The following ACBD3 variants were observed in gnomAD, a reference collection of about 807,000 sequenced individuals.
ACBD3 encodes acyl-CoA binding domain containing 3, also known as Golgi resident protein GCP60.
A neutral mutation model predicts 66.9 loss-of-function variants in ACBD3; 30 were observed. That is an observed-to-expected ratio of 0.45 (90% CI 0.34 to 0.61). The LOEUF (loss-of-function observed/expected upper bound fraction) is 0.61. ACBD3 is among the 20% of genes least tolerant of loss of function. The pLI, the probability that ACBD3 is intolerant of heterozygous loss-of-function variation, is 0.02. For synonymous variants in ACBD3, 278 were observed against 259.8 expected (o/e 1.07, Z -0.68); for missense variants, 544 against 664.5 (o/e 0.82, Z 1.99).
At chr1:226,147,073 G>A (rs1025550450) in intron 7 of ACBD3, among the ~76,000 whole-genome samples, 1 of 152,026 alleles carries the variant, frequency 6.6e-6, no homozygotes, top group Non-Finnish European at 1.5e-5. Flanking sequence ...TGTATTTTTA[G>A]TAGACATGGA....
chr1:226,146,831 C>G lies in ACBD3; in HGVS notation c.1376-10G>C. The G allele has an allele frequency of 6.2e-7, 1 of 1,612,798 alleles. No homozygotes were observed. The highest frequency in any genetic ancestry group is 8.5e-7 in the Non-Finnish European group (1 of 1,178,802). On this transcript the variant is annotated splice_polypyrimidine_tract_variant and intron_variant, in intron 7 of 7. Coordinates refer to ENST00000366812, the MANE Select transcript of ACBD3 (RefSeq NM_022735.4). Reference sequence around the variant, plus strand: ...TCACAACCGATGTTTTCTGTAAGAACAGAGACAAGTCAATGAACAGATTCA... The same window carrying G: ...TCACAACCGATGTTTTCTGTAAGAAGAGAGACAAGTCAATGAACAGATTCA...
chr1:226,150,407 C>T (rs1022400163), intron 7 of ACBD3, among the ~76,000 whole-genome samples: 3 of 152,104 alleles, frequency 2.0e-5, no homozygotes, highest in African/African-American at 7.2e-5. Flanking sequence ...GAGACGGAGT[C>T]TCGCTCTGTT....
chr1:226,176,990 TA>T (rs1263425128), intron 1 of ACBD3, among the ~76,000 whole-genome samples: 1 of 152,190 alleles, frequency 6.6e-6, no homozygotes, highest in African/African-American at 2.4e-5. Context: ...ACATTATTTT[TA>T]ATCACATACA....
chr1:226,145,846 A>T lies in ACBD3; in HGVS notation c.*764T>A, dbSNP rs1424166170. The T allele has an allele frequency of 6.6e-6, 1 of 152,346 alleles. No individual in the cohort carries two copies. Among genetic ancestry groups the T allele is most frequent in the East Asian group, 1.9e-4 (1 of 5,206 alleles). 9.4% of individuals were successfully genotyped at this position (152,346 alleles called of 1,614,324 possible). ...ATACTCTATGAAGCCAAAACAAAAC[A>T]AAACAAAACAAAAAACCTGTATTTT... On this transcript the variant is annotated 3_prime_UTR_variant, in exon 8 of 8. Coordinates refer to ENST00000366812, the MANE Select transcript of ACBD3 (RefSeq NM_022735.4).
Position 226,159,322 on chromosome 1 carries a change from G to A in ACBD3, c.765C>T (p.Ala255=), listed in dbSNP as rs777991793. 6.2e-6 allele frequency: 10 copies of A among 1,613,998 alleles called. No homozygotes were observed. The highest frequency in any genetic ancestry group is 1.6e-4 in the Middle Eastern group (1 of 6,084). Residue 255 remains alanine (A), a synonymous_variant, in exon 5 of 8, where the codon GCC becomes GCT. Transcript: ENST00000366812. ...GGGCTGCATACTGCTGGAACTGCACGGCAGTCTGGGAGTTTAAAGCTGCCA... is the reference window on the plus strand; with the variant it reads ...GGGCTGCATACTGCTGGAACTGCACAGCAGTCTGGGAGTTTAAAGCTGCCA... ...QIMAALNSQT[A]VQFQQYAAQQ...
intron 1 of ACBD3, among the ~76,000 whole-genome samples, chr1:226,176,892 CAG>C (rs2102789123): frequency 6.6e-6 from 1 of 152,146 alleles, no homozygotes; most frequent in South Asian, 2.1e-4. Flanking sequence ...TTTAAAAAAA[CAG>C]TATTTGTTAG....
chr1:226,167,997 T>C (rs547740570), intron 1 of ACBD3, among the ~76,000 whole-genome samples: 5 of 152,304 alleles, frequency 3.3e-5, no homozygotes, highest in Admixed American at 2.6e-4. Flanking sequence ...TATAGTTACC[T>C]TGAAGGTCAA....
At chr1:226,156,015 A>G (rs989068469) in intron 5 of ACBD3, among the ~76,000 whole-genome samples, 1 of 152,222 alleles carries the variant, frequency 6.6e-6, no homozygotes, top group Non-Finnish European at 1.5e-5. Context: ...TACTTAGGTA[A>G]CTTTGGTGGG....
intron 6 of ACBD3, 78 bp downstream of exon 6, chr1:226,154,569 T>A: frequency 6.8e-7 from 1 of 1,478,152 alleles, no homozygotes; most frequent in South Asian, 1.4e-5. Context: ...AAAAGCTAAT[T>A]ATAACCTGAC....
chr1:226,154,775 G>A lies in ACBD3; in HGVS notation c.962C>T (p.Ser321Leu), dbSNP rs770811702. ...VVAGSSLPTS[S>L]KVNATVPSNM... The stretch of plus-strand genomic sequence containing the variant: ...ACTTGGTACAGTTGCATTCACTTTT[G>A]ATGATGTAGGCAAGGAAGACCCAGC... The change falls in exon 6 of 8, where the codon TCA (serine) becomes TTA (leucine). Residue 321 changes from serine to leucine, a missense_variant. Around this residue, in one of 3 missense-constraint regions of ACBD3, gnomAD observed 383 missense variants for 462.4 expected, o/e 0.83. Coordinates refer to ENST00000366812, the MANE Select transcript of ACBD3 (RefSeq NM_022735.4). 1 of 1,613,020 alleles carries A rather than the reference G, an allele frequency of 6.2e-7. No homozygotes were observed. The highest frequency in any genetic ancestry group is 8.5e-7 in the Non-Finnish European group (1 of 1,179,462).
intron 5 of ACBD3, among the ~76,000 whole-genome samples, chr1:226,156,665 G>A (rs1659677687): frequency 6.6e-6 from 1 of 152,158 alleles, no homozygotes; most frequent in African/African-American, 2.4e-5. Context: ...TCTCTTTGCT[G>A]CTAATATAGG....
chr1:226,168,316 T>C (rs995723206), intron 1 of ACBD3, among the ~76,000 whole-genome samples: 36 of 152,286 alleles, frequency 2.4e-4, no homozygotes, highest in African/African-American at 8.4e-4. Flanking sequence ...AGCAAAACCA[T>C]GGACAAGGAG....
chr1:226,154,995 A>T (rs1659645511), intron 5 of ACBD3, 162 bp from the exon 6 acceptor site: 1 of 448,876 alleles, frequency 2.2e-6, no homozygotes, highest in African/African-American at 2.0e-5. Flanking sequence ...TATAATGAAT[A>T]TTATTAGTAC....
chr1:226,154,637 C>CA lies in ACBD3; in HGVS notation c.1090+9dup. On this transcript the variant is annotated intron_variant, in intron 6 of 7. Coordinates refer to ENST00000366812, the MANE Select transcript of ACBD3 (RefSeq NM_022735.4). ...TATGACATCTGGACAAACACATATG[C>CA]AAAACCTACCTTTTGGTCCATTCTC... is the stretch of plus-strand genomic sequence containing the variant. 1 of 1,604,394 alleles carries CA rather than the reference C, an allele frequency of 6.2e-7. No homozygotes were observed. Among genetic ancestry groups the CA allele is most frequent in the Non-Finnish European group, 8.5e-7 (1 of 1,175,500 alleles).
chr1:226,165,161 T>C (rs1306593227), intron 2 of ACBD3, among the ~76,000 whole-genome samples: 3 of 151,844 alleles, frequency 2.0e-5, no homozygotes, highest in Admixed American at 6.6e-5. Context: ...CAAAAGAGTA[T>C]CAATTTTTCT....
Position 226,186,472 on chromosome 1 carries a change from C to T in ACBD3, c.204G>A (p.Ala68=), listed in dbSNP as rs759323346. The change falls in exon 1 of 8, where the codon GCG becomes GCA. Residue 68 remains alanine, a synonymous_variant. Transcript: ENST00000366812. ...GCTCCAGCCGCCGCGCCTCCTCCGC[C>T]GCGCCCCCAGCCGCCGCCTCCCCGG... ...PEPGEAAAGG[A]AEEARRLEQR... is the part of the protein sequence containing the mutation. 1.0e-5 allele frequency: 15 copies of T among 1,497,134 alleles called. No homozygotes were observed. The South Asian group carries it at 1.5e-4, about 15-fold the overall frequency. 92.7% of individuals were successfully genotyped at this position (1,497,134 alleles called of 1,614,324 possible).
Position 226,164,857 on chromosome 1 carries a change from C to T in ACBD3, c.501G>A (p.Arg167=). 1 of 1,611,266 alleles carries T rather than the reference C, an allele frequency of 6.2e-7. No homozygotes were observed. Among genetic ancestry groups the T allele is most frequent in the Non-Finnish European group, 8.5e-7 (1 of 1,178,698 alleles). Residue 167 remains arginine, a synonymous_variant, in exon 3 of 8, where the codon AGG becomes AGA. Transcript: ENST00000366812. The part of the protein sequence containing the change: ...AMVEFVKLLN[R]CCHLFSTYVA... ...CATATGTTGAAAAGAGATGGCAACACCTATTTAAGAGCTTGACAAACTCCA... is the reference window on the plus strand; with the variant it reads ...CATATGTTGAAAAGAGATGGCAACATCTATTTAAGAGCTTGACAAACTCCA...
chr1:226,181,073 C>T (rs1656160933), intron 1 of ACBD3, among the ~76,000 whole-genome samples: 1 of 151,416 alleles, frequency 6.6e-6, no homozygotes, highest in African/African-American at 2.4e-5. Flanking sequence ...AGTTTTGGTT[C>T]AGCTCAAATT....
At position 226,152,375 on chromosome 1, in the gene ACBD3, C is replaced by G. The variant is rs1201549159; in HGVS notation, c.1335G>C (p.Val445=). Residue 445 remains valine, a synonymous_variant, in exon 7 of 8, where the codon GTG becomes GTC. Transcript: ENST00000366812. ...CGTCATCGCTGGACTCACTGACATG[C>G]ACGCTGACAGCAGTGTTTGGAGAGT... The part of the protein sequence containing the change: ...WTDSPNTAVS[V]HVSESSDDDE... The G allele has an allele frequency of 4.3e-6, 7 of 1,614,206 alleles. No individual in the cohort carries two copies. The East Asian group carries it at 6.7e-5, about 15-fold the overall frequency.
Sources: allele counts gnomAD v4.1 joint callset (sites outside exome capture counted in the v4.1 genomes callset), GRCh38; gene constraint gnomAD v4.1.1; regional missense constraint gnomAD v4.1.1; transcripts MANE v1.5; gene names NCBI Gene and HGNC (gene_info 2026-07-23, HGNC 2026-07-21).